The following PRKAR2A variants were observed in gnomAD, a reference collection of about 807,000 sequenced individuals.
PRKAR2A encodes the protein cAMP-dependent protein kinase type II-alpha regulatory subunit.
In PRKAR2A, 29 loss-of-function variants were observed where a neutral mutation model predicts 51.9. The observed-to-expected ratio is 0.56, with a 90% CI of 0.42 to 0.76. PRKAR2A has a LOEUF of 0.76. Ranked by LOEUF, PRKAR2A falls within the 30% of genes least tolerant of loss-of-function variation. PRKAR2A has a pLI of 0.00. For synonymous variants in PRKAR2A, 178 were observed against 186.2 expected (o/e 0.96, Z 0.36); for missense variants, 445 against 512.1 (o/e 0.87, Z 1.26).
At position 48,847,692 on chromosome 3, in the gene PRKAR2A, C is replaced by T; in HGVS notation, c.-96G>A. 2 of 1,242,756 alleles carry T rather than the reference C, an allele frequency of 1.6e-6. No homozygotes were observed. The highest frequency in any genetic ancestry group is 1.8e-5 in the South Asian group (1 of 55,856). 77.0% of individuals were successfully genotyped at this position (1,242,756 alleles called of 1,614,324 possible). ...GCCTTTCGCTCCGCGCCCGCGAGGTCTCTTCGCGCACGGCCCCGGCTCACG... is the reference window on the plus strand; with the variant it reads ...GCCTTTCGCTCCGCGCCCGCGAGGTTTCTTCGCGCACGGCCCCGGCTCACG... On this transcript the variant is annotated 5_prime_UTR_variant, in exon 1 of 11. Coordinates refer to ENST00000265563, the MANE Select transcript of PRKAR2A (RefSeq NM_004157.4). This position sits in a 1 kb window ranked among gnomAD's most constrained non-coding sequence, Gnocchi z 4.4.
chr3:48,761,204 C>T (rs889427105), intron 8 of PRKAR2A, among the ~76,000 whole-genome samples: 7 of 152,028 alleles, frequency 4.6e-5, no homozygotes, highest in African/African-American at 1.7e-4. Context: ...ATGGCGTGAA[C>T]CCAGGAGGCG....
intron 1 of PRKAR2A, among the ~76,000 whole-genome samples, chr3:48,842,294 C>A (rs989802744): frequency 6.6e-6 from 1 of 152,190 alleles, no homozygotes; most frequent in African/African-American, 2.4e-5. Context: ...AGTTGCTTAT[C>A]AGCTTAAGGA....
At chr3:48,829,897 TGTTAAAAACTAAGACAC>T (rs2083159317) in intron 1 of PRKAR2A, among the ~76,000 whole-genome samples, 1 of 137,836 alleles carries the variant, frequency 7.3e-6, no homozygotes. Context: ...TAAGCTTTTT[TGTTAAAAACTAAGACAC>T]AAGCCGGGCA....
chr3:48,826,290 A>T (rs1277591860), intron 1 of PRKAR2A, among the ~76,000 whole-genome samples: 2 of 151,914 alleles, frequency 1.3e-5, no homozygotes, highest in Non-Finnish European at 2.9e-5. Flanking sequence ...GGTTCCCATG[A>T]CCCCTCTGGT....
intron 6 of PRKAR2A, among the ~76,000 whole-genome samples, chr3:48,768,853 C>T (rs1202008016): frequency 6.7e-6 from 1 of 149,240 alleles, no homozygotes; most frequent in Non-Finnish European, 1.5e-5. Flanking sequence ...AATCCCAGCA[C>T]TTTGGGAGGC....
At chr3:48,806,679 T>A (rs2082679595) in intron 2 of PRKAR2A, among the ~76,000 whole-genome samples, 1 of 152,120 alleles carries the variant, frequency 6.6e-6, no homozygotes, top group African/African-American at 2.4e-5. Context: ...AACTTATTTT[T>A]AAAATAATAT....
At chr3:48,831,364 T>TG (rs1323492198) in intron 1 of PRKAR2A, among the ~76,000 whole-genome samples, 1 of 93,324 alleles carries the variant, frequency 1.1e-5, no homozygotes, top group Non-Finnish European at 2.0e-5. Context: ...ATCCAAAATA[T>TG]CTTTTTTTTT....
intron 1 of PRKAR2A, among the ~76,000 whole-genome samples, chr3:48,838,172 C>G (rs1007168310): frequency 6.6e-6 from 1 of 151,134 alleles, no homozygotes; most frequent in African/African-American, 2.4e-5. Context: ...AGCAAGACTC[C>G]GCTCAAAAAA....
chr3:48,751,894 T>G (rs948897366), intron 10 of PRKAR2A, among the ~76,000 whole-genome samples, 176 bp from the exon 11 acceptor site: 2 of 152,212 alleles, frequency 1.3e-5, no homozygotes, highest in Non-Finnish European at 2.9e-5. Flanking sequence ...GTTAGAGACT[T>G]TACAGAGTCC....
intron 1 of PRKAR2A, among the ~76,000 whole-genome samples, chr3:48,831,198 C>T (rs2083182338): frequency 6.6e-6 from 1 of 152,078 alleles, no homozygotes; most frequent in African/African-American, 2.4e-5. Context: ...TGTAACACAA[C>T]ATCATAATGT....
At chr3:48,760,851 A>G (rs1000282478) in intron 8 of PRKAR2A, among the ~76,000 whole-genome samples, 1 of 151,494 alleles carries the variant, frequency 6.6e-6, no homozygotes, top group African/African-American at 2.4e-5. Context: ...AAAAAAAAAA[A>G]AAATTAGCTT....
At chr3:48,774,442 T>C (rs1327446305) in intron 5 of PRKAR2A, among the ~76,000 whole-genome samples, 3 of 151,858 alleles carry the variant, frequency 2.0e-5, no homozygotes, top group Non-Finnish European at 2.9e-5. Context: ...ACTGGGAGGG[T>C]TGCTTGAGCC....
intron 8 of PRKAR2A, among the ~76,000 whole-genome samples, chr3:48,756,852 C>T (rs1420140821): frequency 6.6e-6 from 1 of 152,214 alleles, no homozygotes; most frequent in Non-Finnish European, 1.5e-5. Context: ...CTTTCACAAA[C>T]TTCATGCCCT....
chr3:48,746,185 C>G (rs1223617807), downstream of PRKAR2A, among the ~76,000 whole-genome samples: 1 of 151,818 alleles, frequency 6.6e-6, no homozygotes, highest in Non-Finnish European at 1.5e-5. Flanking sequence ...TGGGACTTGC[C>G]CACCTCCATA....
chr3:48,780,569 C>G (rs2082177676), intron 5 of PRKAR2A, among the ~76,000 whole-genome samples: 2 of 146,864 alleles, frequency 1.4e-5, no homozygotes, highest in Non-Finnish European at 3.0e-5. Flanking sequence ...CGCCACTGCA[C>G]TCCAGCCTGA....
At chr3:48,824,300 T>C (rs892056337) in intron 1 of PRKAR2A, among the ~76,000 whole-genome samples, 3 of 151,760 alleles carry the variant, frequency 2.0e-5, no homozygotes, top group African/African-American at 4.8e-5. Flanking sequence ...TCCTAGCTAC[T>C]TGGGGAATCA....
intron 9 of PRKAR2A, among the ~76,000 whole-genome samples, chr3:48,753,311 T>C (rs2081695210): frequency 1.3e-5 from 2 of 151,760 alleles, no homozygotes; most frequent in Non-Finnish European, 2.9e-5. Flanking sequence ...TTTTAACAAA[T>C]CCAACTGCTA....
At chr3:48,833,053 T>C (rs564588175) in intron 1 of PRKAR2A, among the ~76,000 whole-genome samples, 1 of 152,286 alleles carries the variant, frequency 6.6e-6, no homozygotes, top group South Asian at 2.1e-4. Flanking sequence ...TTGTAGGTTA[T>C]TGAAAATGAA....
chr3:48,815,697 G>GAAAA (rs76544989), intron 1 of PRKAR2A, among the ~76,000 whole-genome samples: 1 of 121,696 alleles, frequency 8.2e-6, no homozygotes. Flanking sequence ...TGTCTCAGCG[G>GAAAA]AAAAAAAAAA....
Sources: allele counts gnomAD v4.1 joint callset (sites outside exome capture counted in the v4.1 genomes callset), GRCh38; gene constraint gnomAD v4.1.1; non-coding constraint Gnocchi (gnomAD v3.1); transcripts MANE v1.5; gene names NCBI Gene and HGNC (gene_info 2026-07-23, HGNC 2026-07-21).